UBR3: variants seen among roughly 807,000 people sequenced by gnomAD.
The protein encoded by UBR3 is E3 ubiquitin-protein ligase UBR3.
A neutral mutation model predicts 243.2 loss-of-function variants in UBR3; 85 were observed. The observed-to-expected ratio is 0.35, with a 90% confidence interval of 0.29 to 0.42. The LOEUF is 0.42. UBR3 is among the 10% of genes least tolerant of loss of function. The pLI, the probability that UBR3 is intolerant of heterozygous loss-of-function variation, is 1.00. For missense variants in UBR3, 1,686 were observed against 2,300.8 expected (o/e 0.73, Z 5.47); for synonymous variants, 748 against 799.8 (o/e 0.94, Z 1.09).
intron 1 of UBR3, among the ~76,000 whole-genome samples, chr2:169,851,915 A>G (rs2082673534): frequency 6.6e-6 from 1 of 151,998 alleles, no homozygotes; most frequent in Non-Finnish European, 1.5e-5. Context: ...CACCGAATAA[A>G]TATTGGTTTG....
intron 30 of UBR3, among the ~76,000 whole-genome samples, chr2:170,024,558 T>C (rs1436216267): frequency 6.6e-6 from 1 of 152,046 alleles, no homozygotes; most frequent in Admixed American, 6.6e-5. Flanking sequence ...GTGTGTGGTA[T>C]TCATACACAT....
intron 25 of UBR3, 130 bp downstream of exon 25, chr2:169,986,924 C>A: frequency 2.1e-6 from 2 of 935,516 alleles, no homozygotes; most frequent in Non-Finnish European, 3.1e-6. Flanking sequence ...CAGTTTAGAT[C>A]CAAATAACAA....
chr2:170,058,027 G>A (rs549763820), intron 33 of UBR3, among the ~76,000 whole-genome samples: 1 of 152,212 alleles, frequency 6.6e-6, no homozygotes, highest in East Asian at 1.9e-4. Flanking sequence ...TGGTTTCCAA[G>A]GGGTGGTTCC....
intron 5 of UBR3, 81 bp downstream of exon 5, chr2:169,878,655 TA>T: frequency 8.0e-7 from 1 of 1,245,010 alleles, no homozygotes; most frequent in Non-Finnish European, 1.1e-6. Flanking sequence ...TACTTCTTTA[TA>T]GTTCTGAAAC....
chr2:169,915,797 T>A (rs2085440001), intron 11 of UBR3, among the ~76,000 whole-genome samples: 1 of 152,204 alleles, frequency 6.6e-6, no homozygotes, highest in Non-Finnish European at 1.5e-5. Flanking sequence ...AGTTTTCAAT[T>A]CATTCATTTA....
chr2:169,943,516 G>T (rs952217287), intron 20 of UBR3, among the ~76,000 whole-genome samples: 1 of 152,138 alleles, frequency 6.6e-6, no homozygotes, highest in African/African-American at 2.4e-5. Flanking sequence ...CAGGAGAATT[G>T]CTTGAACCCG....
intron 25 of UBR3, among the ~76,000 whole-genome samples, chr2:169,991,281 C>T (rs2089263024): frequency 6.6e-6 from 1 of 152,040 alleles, no homozygotes; most frequent in South Asian, 2.1e-4. Context: ...AACAACTAGA[C>T]AGAAGATCAG....
At chr2:169,945,536 A>G (rs1026684717) in intron 20 of UBR3, among the ~76,000 whole-genome samples, 2 of 152,100 alleles carry the variant, frequency 1.3e-5, no homozygotes, top group Non-Finnish European at 2.9e-5. Context: ...TATCTCGCCC[A>G]CAATTAAAAC....
rs1348206127 is a variant in UBR3 at position 170,066,783 on chromosome 2, G to A, written c.5019+5340G>A. ...GATCGAGACCATCCTGGCTAACACG[G>A]TGAAACCCTGCCTCTACTAAAAATA... On this transcript the variant is annotated intron_variant, in intron 35 of 38. Transcript: ENST00000272793. Among the ~76,000 whole-genome samples, 4 of 151,980 alleles carry A rather than the reference G, an allele frequency of 2.6e-5. No individual in the cohort carries two copies. The East Asian group carries it at 7.7e-4, about 29-fold the overall frequency.
chr2:169,899,050 C>G (rs1232103473), intron 8 of UBR3, among the ~76,000 whole-genome samples: 2 of 150,572 alleles, frequency 1.3e-5, no homozygotes, highest in Non-Finnish European at 2.9e-5. Context: ...GTGATCTCAG[C>G]TCACTGCAAC....
At chr2:169,967,640 A>C (rs61157296) in intron 24 of UBR3, among the ~76,000 whole-genome samples, 2 of 152,094 alleles carry the variant, frequency 1.3e-5, no homozygotes, top group African/African-American at 4.8e-5. Flanking sequence ...AGCATCTTAC[A>C]TTAAGATTTC....
intron 30 of UBR3, among the ~76,000 whole-genome samples, chr2:170,026,421 C>A (rs529818644): frequency 6.6e-6 from 1 of 152,106 alleles, no homozygotes; most frequent in South Asian, 2.1e-4. Context: ...TACAAACATA[C>A]TATAGATTTA....
intron 36 of UBR3, 34 bp downstream of exon 36, chr2:170,073,641 TGG>T (rs1574483573): frequency 6.3e-7 from 1 of 1,595,078 alleles, no homozygotes; most frequent in East Asian, 2.2e-5. Context: ...CTTGTCACGG[TGG>T]TGATATGCTA....
intron 11 of UBR3, among the ~76,000 whole-genome samples, chr2:169,914,393 A>T (rs141343005): frequency 2.0e-5 from 3 of 152,136 alleles, no homozygotes; most frequent in Non-Finnish European, 4.4e-5. Context: ...GAGTGGCATG[A>T]TTTGTTTTTC....
intron 3 of UBR3, 133 bp downstream of exon 3, chr2:169,876,082 TTC>T (rs2105312509): frequency 9.1e-6 from 7 of 769,952 alleles, no homozygotes; most frequent in South Asian, 3.5e-5. Flanking sequence ...TTAAGAGAAC[TTC>T]TTTTTTTTTT....
chr2:169,932,988 A>G lies in UBR3; in HGVS notation c.2643A>G (p.Ala881=), dbSNP rs778959286. The change falls in exon 19 of 39, where the codon GCA becomes GCG. Residue 881 remains alanine, a synonymous_variant. Coordinates refer to ENST00000272793, the MANE Select transcript of UBR3 (RefSeq NM_172070.4). The part of the protein sequence containing the change: ...RTVYRRDVQS[A]MDRYTAFLKQ... ...TTTACCGTAGAGATGTGCAGTCTGC[A>G]ATGGACAGATATACTGCATTGTAAG... 2.0e-6 allele frequency: 3 copies of G among 1,531,600 alleles called. No homozygotes were observed. The highest frequency in any genetic ancestry group is 2.6e-6 in the Non-Finnish European group (3 of 1,141,928). The allele number at this position is 1,531,600 out of a possible 1,614,324, so 94.9% of individuals were successfully genotyped here. A position where few individuals can be genotyped will look rare whatever the true frequency, so the allele number is the denominator to read the frequency against.
At chr2:169,974,066 C>T (rs1559148404) in intron 24 of UBR3, among the ~76,000 whole-genome samples, 1 of 151,962 alleles carries the variant, frequency 6.6e-6, no homozygotes, top group Non-Finnish European at 1.5e-5. Context: ...GGTGAGTGAT[C>T]TTTTAGCTTT....
intron 19 of UBR3, 37 bp from the exon 20 acceptor site, chr2:169,942,456 G>T: frequency 6.6e-7 from 1 of 1,514,780 alleles, no homozygotes. Context: ...TGATTTTGAG[G>T]CTATCATCTA....
At chr2:170,001,621 C>T (rs759173454) in intron 27 of UBR3, among the ~76,000 whole-genome samples, 9 of 152,096 alleles carry the variant, frequency 5.9e-5, no homozygotes, top group Admixed American at 3.3e-4. Flanking sequence ...ACTAGCCAGA[C>T]GCAGTGGTTC....
Sources: gnomAD v4.1 joint callset for allele counts (sites outside exome capture counted in the v4.1 genomes callset) on GRCh38, gnomAD v4.1.1 for gene constraint, MANE v1.5 for transcripts, NCBI Gene and HGNC (gene_info 2026-07-23, HGNC 2026-07-21) for gene names.